The following SUGCT variants were observed in gnomAD, a reference collection of about 807,000 sequenced individuals.
The protein encoded by SUGCT is succinyl-CoA:glutarate CoA-transferase.
SUGCT carries 41 observed loss-of-function variants against 55.0 expected under a neutral mutation model. The observed-to-expected ratio is 0.74, with a 90% confidence interval of 0.58 to 0.97. SUGCT has a LOEUF of 0.97. Among genes scored for constraint, SUGCT ranks in the 50% least tolerant of loss-of-function variants. SUGCT has a pLI of 0.00. For missense variants in SUGCT, 568 were observed against 547.8 expected, an observed-to-expected ratio of 1.04 and a Z score of -0.37; for synonymous variants, 187 against 200.4, an observed-to-expected ratio of 0.93 and a Z score of 0.56.
chr7:40,973,686 T>C, the SUGCT span, among the ~76,000 whole-genome samples: 37,025 of 152,238 alleles, frequency 0.24, 5,215 homozygotes, highest in South Asian at 0.33. Flanking sequence ...GTTTTCATCA[T>C]AGAACTTTCC....
At chr7:40,397,240 A>G in intron 9 of SUGCT, among the ~76,000 whole-genome samples, 1 of 152,108 alleles carries the variant, frequency 6.6e-6, no homozygotes. Flanking sequence ...CTTTGCTTAT[A>G]ATATTCTCTA....
chr7:40,218,370 G>A (rs193017535), intron 6 of SUGCT, among the ~76,000 whole-genome samples: 41 of 152,298 alleles, frequency 2.7e-4, no homozygotes, highest in African/African-American at 9.6e-4. Context: ...TTCTCCAAAT[G>A]AAGTGGGGGG....
At chr7:40,658,884 G>A (rs1801162312) in intron 12 of SUGCT, among the ~76,000 whole-genome samples, 1 of 152,170 alleles carries the variant, frequency 6.6e-6, no homozygotes, top group Non-Finnish European at 1.5e-5. Flanking sequence ...CATAAGCCAA[G>A]AAAGCTACAG....
chr7:40,787,888 G>T (rs368163631), intron 13 of SUGCT, among the ~76,000 whole-genome samples: 1 of 152,070 alleles, frequency 6.6e-6, no homozygotes, highest in Admixed American at 6.6e-5. Context: ...GCCCATCCCC[G>T]CATCAAAAGT....
Position 40,255,679 on chromosome 7 carries a change from A to G in SUGCT, c.576+17953A>G, listed in dbSNP as rs903182309. ...CTGTATCAAAAAAAAAAAAAAAAAAAAAAAAAAAGAAAATAACTGTCTGCA... is the reference window on the plus strand; with the variant it reads ...CTGTATCAAAAAAAAAAAAAAAAAAGAAAAAAAAGAAAATAACTGTCTGCA... On this transcript the variant is annotated intron_variant, in intron 7 of 13. Transcript: ENST00000335693. Among the ~76,000 whole-genome samples the G allele has an allele frequency of 5.4e-4, 82 of 151,310 alleles. 1 individual carries two copies. Among genetic ancestry groups the G allele is most frequent in the Admixed American group, 3.7e-3 (56 of 15,170 alleles).
At chr7:40,430,507 T>C (rs1261079044) in intron 9 of SUGCT, among the ~76,000 whole-genome samples, 1 of 152,194 alleles carries the variant, frequency 6.6e-6, no homozygotes, top group Non-Finnish European at 1.5e-5. Flanking sequence ...CTTCTAAAAA[T>C]CAGGTTGTTT....
At chr7:40,733,893 A>G (rs934853281) in intron 12 of SUGCT, among the ~76,000 whole-genome samples, 1 of 152,224 alleles carries the variant, frequency 6.6e-6, no homozygotes, top group East Asian at 1.9e-4. Flanking sequence ...AACTTCTATC[A>G]TACTATATCA....
chr7:40,254,907 T>C (rs1159538628), intron 7 of SUGCT, among the ~76,000 whole-genome samples: 1 of 151,784 alleles, frequency 6.6e-6, no homozygotes, highest in Non-Finnish European at 1.5e-5. Context: ...CTTTAAAGTT[T>C]GAAAAACAAT....
chr7:40,155,457 C>T (rs1467900941), intron 1 of SUGCT, among the ~76,000 whole-genome samples: 1 of 151,964 alleles, frequency 6.6e-6, no homozygotes, highest in African/African-American at 2.4e-5. Context: ...GGACACTGCT[C>T]GTTTTTGTGA....
At chr7:40,163,938 C>T (rs1282205669) in intron 1 of SUGCT, among the ~76,000 whole-genome samples, 1 of 151,860 alleles carries the variant, frequency 6.6e-6, no homozygotes, top group Non-Finnish European at 1.5e-5. Context: ...TCTTCTGCCT[C>T]AGTCTCCCAG....
chr7:40,526,163 G>A (rs926432360), intron 12 of SUGCT, among the ~76,000 whole-genome samples: 70 of 152,230 alleles, frequency 4.6e-4, no homozygotes, highest in Non-Finnish European at 1.3e-4. Flanking sequence ...ATTGATAGAT[G>A]TGCATTCAGG....
intron 12 of SUGCT, among the ~76,000 whole-genome samples, chr7:40,647,589 G>A (rs1407809306): frequency 2.6e-5 from 4 of 152,254 alleles, no homozygotes; most frequent in South Asian, 4.1e-4. Flanking sequence ...AGTGGCTCAC[G>A]CATGTACTCC....
intron 12 of SUGCT, among the ~76,000 whole-genome samples, chr7:40,629,596 G>A (rs1196115427): frequency 6.6e-6 from 1 of 152,126 alleles, no homozygotes; most frequent in Non-Finnish European, 1.5e-5. Context: ...TATGTTACTC[G>A]AGGTCATGTC....
intron 9 of SUGCT, among the ~76,000 whole-genome samples, chr7:40,356,071 C>A (rs1317523987): frequency 2.6e-5 from 4 of 152,202 alleles, no homozygotes; most frequent in Non-Finnish European, 5.9e-5. Context: ...TTTGCACTTG[C>A]ATCAAGGTCT....
At chr7:40,303,791 C>T (rs13238282) in intron 8 of SUGCT, among the ~76,000 whole-genome samples, 22 of 152,236 alleles carry the variant, frequency 1.4e-4, no homozygotes, top group South Asian at 2.1e-4. Context: ...CCTCTCTCCC[C>T]GTTTTGGAGG....
At chr7:40,540,317 G>T (rs911999693) in intron 12 of SUGCT, among the ~76,000 whole-genome samples, 2 of 152,230 alleles carry the variant, frequency 1.3e-5, no homozygotes, top group East Asian at 3.8e-4. Flanking sequence ...GCTCTGTAAG[G>T]TAAGGACCAT....
the SUGCT span, among the ~76,000 whole-genome samples, chr7:40,947,798 C>T: frequency 6.6e-6 from 1 of 152,154 alleles, no homozygotes; most frequent in Non-Finnish European, 1.5e-5. Context: ...CCTGCCATTG[C>T]CAAGAGTCTC....
At chr7:40,214,638 G>A (rs1011588829) in intron 6 of SUGCT, among the ~76,000 whole-genome samples, 1 of 152,102 alleles carries the variant, frequency 6.6e-6, no homozygotes, top group South Asian at 2.1e-4. Context: ...ATTATGGGCT[G>A]GGCATGGTGG....
At chr7:41,013,321 A>G in the SUGCT span, among the ~76,000 whole-genome samples, 1 of 152,120 alleles carries the variant, frequency 6.6e-6, no homozygotes, top group Non-Finnish European at 1.5e-5. Context: ...ACATCATGTA[A>G]AATTAGTTTG....
Sources: allele counts gnomAD v4.1 joint callset (sites outside exome capture counted in the v4.1 genomes callset), GRCh38; gene constraint gnomAD v4.1.1; transcripts MANE v1.5; gene names NCBI Gene and HGNC (gene_info 2026-07-23, HGNC 2026-07-21).